The following INPP4B variants were observed in gnomAD, a reference collection of about 807,000 sequenced individuals.
INPP4B encodes the protein inositol polyphosphate 4-phosphatase type II.
INPP4B carries 55 observed loss-of-function variants against 122.5 expected under a neutral mutation model. That is an observed-to-expected ratio of 0.45 (90% CI 0.36 to 0.56). The LOEUF is 0.56. INPP4B is among the 20% of genes least tolerant of loss of function. The pLI is 0.00. For synonymous variants in INPP4B, 403 were observed against 388.7 expected, an observed-to-expected ratio of 1.04 and a Z score of -0.43; for missense variants, 1,000 against 1,097.7, an observed-to-expected ratio of 0.91 and a Z score of 1.26.
chr4:142,665,746 C>A (rs749177600), intron 2 of INPP4B, among the ~76,000 whole-genome samples: 10 of 151,684 alleles, frequency 6.6e-5, no homozygotes, highest in Non-Finnish European at 1.5e-4. Flanking sequence ...AAAAAAGCAC[C>A]AAAAATAACT....
chr4:142,266,832 GA>G (rs573979135), intron 10 of INPP4B, among the ~76,000 whole-genome samples: 221 of 146,164 alleles, frequency 1.5e-3, no homozygotes, highest in African/African-American at 4.9e-3. Flanking sequence ...ACAACCAAAA[GA>G]AAAAAAAAAT....
intron 9 of INPP4B, among the ~76,000 whole-genome samples, chr4:142,292,093 G>A (rs948791501): frequency 4.6e-5 from 7 of 152,182 alleles, no homozygotes; most frequent in South Asian, 2.1e-4. Context: ...TGGGAGTACC[G>A]AAAAAGGAGA....
chr4:142,457,348 C>A (rs1176261142), intron 3 of INPP4B, among the ~76,000 whole-genome samples: 1 of 152,016 alleles, frequency 6.6e-6, no homozygotes, highest in Non-Finnish European at 1.5e-5. Context: ...AAAAGACAAG[C>A]TACACATTGG....
intron 2 of INPP4B, among the ~76,000 whole-genome samples, chr4:142,724,360 C>T (rs1360787764): frequency 6.6e-6 from 1 of 152,056 alleles, no homozygotes; most frequent in East Asian, 1.9e-4. Context: ...CACATGGATC[C>T]CTGACCTTCC....
intron 7 of INPP4B, among the ~76,000 whole-genome samples, chr4:142,354,943 G>A (rs1393987927): frequency 6.6e-6 from 1 of 151,898 alleles, no homozygotes; most frequent in Non-Finnish European, 1.5e-5. Flanking sequence ...GTCTCATCTG[G>A]GCTCACTCAT....
chr4:142,212,250 G>T (rs1039182219), intron 12 of INPP4B, among the ~76,000 whole-genome samples: 1 of 152,042 alleles, frequency 6.6e-6, no homozygotes, highest in Non-Finnish European at 1.5e-5. Context: ...ATTCCCCAGA[G>T]ATTTAAAAGA....
chr4:142,609,412 G>A (rs2150330999), intron 2 of INPP4B, among the ~76,000 whole-genome samples: 1 of 151,994 alleles, frequency 6.6e-6, no homozygotes, highest in Middle Eastern at 3.4e-3. Context: ...ATAAGTAAAT[G>A]TGAGTTTTTA....
intron 2 of INPP4B, among the ~76,000 whole-genome samples, chr4:142,587,397 G>A (rs991124880): frequency 6.6e-5 from 10 of 151,826 alleles, no homozygotes; most frequent in Admixed American, 2.6e-4. Flanking sequence ...TTATAAATGG[G>A]TTTTACTATC....
chr4:142,048,224 TA>T, intron 25 of INPP4B, among the ~76,000 whole-genome samples: 1 of 152,082 alleles, frequency 6.6e-6, no homozygotes, highest in East Asian at 1.9e-4. Context: ...TCTGTGCTCT[TA>T]ACAACTGTGC....
intron 18 of INPP4B, among the ~76,000 whole-genome samples, chr4:142,129,367 A>G (rs926482736): frequency 6.6e-6 from 1 of 152,238 alleles, no homozygotes; most frequent in African/African-American, 2.4e-5. Context: ...AACCCAAATA[A>G]GGGTACCTAT....
intron 2 of INPP4B, among the ~76,000 whole-genome samples, chr4:142,654,067 G>A (rs201727390): frequency 2.3e-4 from 34 of 149,212 alleles, no homozygotes; most frequent in African/African-American, 3.4e-4. Context: ...CATGTCCTTT[G>A]TAGGGACATG....
intron 1 of INPP4B, among the ~76,000 whole-genome samples, chr4:142,808,856 G>A (rs1195041471): frequency 1.3e-5 from 2 of 152,066 alleles, no homozygotes; most frequent in African/African-American, 2.4e-5. Flanking sequence ...ATATCTTTTA[G>A]TATGACATGG....
intron 1 of INPP4B, among the ~76,000 whole-genome samples, chr4:142,794,483 T>C (rs1776968385): frequency 6.6e-6 from 1 of 151,928 alleles, no homozygotes; most frequent in East Asian, 1.9e-4. Context: ...AAAAATTCTA[T>C]GTGGACTAAA....
At chr4:142,504,529 G>GT (rs1823765044) in intron 2 of INPP4B, among the ~76,000 whole-genome samples, 3 of 152,056 alleles carry the variant, frequency 2.0e-5, no homozygotes, top group Admixed American at 2.0e-4. Context: ...AGTTACCTAG[G>GT]AGATGATTAT....
At chr4:142,067,799 C>T (rs12501687) in intron 25 of INPP4B, among the ~76,000 whole-genome samples, 45 of 152,118 alleles carry the variant, frequency 3.0e-4, no homozygotes, top group Admixed American at 1.4e-3. Flanking sequence ...TAAAAAGAAA[C>T]GAACGAAGCC....
At chr4:142,069,912 G>T (rs953625273) in intron 25 of INPP4B, among the ~76,000 whole-genome samples, 2 of 152,110 alleles carry the variant, frequency 1.3e-5, no homozygotes, top group East Asian at 3.9e-4. Flanking sequence ...GGTACAAACA[G>T]GAACTGGTAC....
At chr4:142,416,252 G>A (rs1301648157) in intron 5 of INPP4B, among the ~76,000 whole-genome samples, 1 of 152,072 alleles carries the variant, frequency 6.6e-6, no homozygotes, top group East Asian at 1.9e-4. Context: ...TCTTCTGAGG[G>A]AATTTGTTTG....
At chr4:142,141,998 T>C (rs1808095550) in intron 18 of INPP4B, among the ~76,000 whole-genome samples, 1 of 151,968 alleles carries the variant, frequency 6.6e-6, no homozygotes, top group South Asian at 2.1e-4. Flanking sequence ...TTAAAATAGA[T>C]ACAGAATCTA....
At position 142,608,554 on chromosome 4, in the gene INPP4B, TA is replaced by T. The variant is rs1345939706; in HGVS notation, c.-191+117284del. Reference sequence around the variant, plus strand: ...TATTCTCTACTGTATTGCCAATGCCTAGAATGCCTAGAACAATACTTGGAAG... The same window carrying T: ...TATTCTCTACTGTATTGCCAATGCCTGAATGCCTAGAACAATACTTGGAAG... On this transcript the variant is annotated intron_variant, in intron 2 of 25. Coordinates refer to ENST00000262992, the MANE Select transcript of INPP4B (RefSeq NM_001101669.3). Among the ~76,000 whole-genome samples, 3 of 152,262 alleles carry T rather than the reference TA, an allele frequency of 2.0e-5. No individual in the cohort carries two copies. In the South Asian group the frequency reaches 6.2e-4, roughly 32 times the overall value.
Sources: gnomAD v4.1 joint callset for allele counts (sites outside exome capture counted in the v4.1 genomes callset) on GRCh38, gnomAD v4.1.1 for gene constraint, MANE v1.5 for transcripts, NCBI Gene and HGNC (gene_info 2026-07-23, HGNC 2026-07-21) for gene names.